VPS54: variants seen among roughly 807,000 people sequenced by gnomAD.
VPS54 encodes the protein VPS54 subunit of GARP complex, also known as vacuolar protein sorting-associated protein 54.
A neutral mutation model predicts 121.5 loss-of-function variants in VPS54; 45 were observed. The observed-to-expected ratio is 0.37, with a 90% CI of 0.29 to 0.47. The LOEUF (loss-of-function observed/expected upper bound fraction) is 0.47. Ranked by LOEUF, VPS54 falls within the 20% of genes least tolerant of loss-of-function variation. The pLI, the probability that VPS54 is intolerant of heterozygous loss-of-function variation, is 0.99. For missense variants in VPS54, 1,090 were observed against 1,131.4 expected, an observed-to-expected ratio of 0.96 and a Z score of 0.52; for synonymous variants, 371 against 385.8, an observed-to-expected ratio of 0.96 and a Z score of 0.45.
intron 6 of VPS54, among the ~76,000 whole-genome samples, chr2:63,963,042 T>C (rs1675839177): frequency 6.6e-6 from 1 of 152,122 alleles, no homozygotes; most frequent in African/African-American, 2.4e-5. Flanking sequence ...CTGAAGCTGT[T>C]TCTATTATAC....
chr2:63,900,752 G>T (rs967542851), intron 20 of VPS54, among the ~76,000 whole-genome samples: 7 of 151,486 alleles, frequency 4.6e-5, no homozygotes, highest in Admixed American at 2.6e-4. Flanking sequence ...CTCAAATCTG[G>T]TTTTTTTTGT....
chr2:63,897,458 G>T (rs376667901), intron 22 of VPS54, 38 bp downstream of exon 22: 3 of 1,341,012 alleles, frequency 2.2e-6, no homozygotes, highest in Admixed American at 2.0e-5. Flanking sequence ...AAAACAATTC[G>T]ATATGGGAGT....
chr2:63,949,060 C>A lies in VPS54; in HGVS notation c.1114G>T (p.Asp372Tyr), dbSNP rs1675119989. ...ACCTCTTCTAAAACTTGACAGTCAT[C>A]TTCCAGTGGTCTATTTAAGTCACTG... ...SHSDLNRPLEDDCQVLEEERL... is the reference protein window; with the variant it reads ...SHSDLNRPLEYDCQVLEEERL... Residue 372 changes from aspartate (D) to tyrosine (Y), a missense_variant, in exon 8 of 23, where the codon GAT becomes TAT. Around this residue, in one of 2 missense-constraint regions of VPS54, gnomAD observed 801 missense variants for 757.0 expected, o/e 1.06. Transcript: ENST00000272322. 6.2e-6 allele frequency: 10 copies of A among 1,611,110 alleles called. No homozygotes were observed. Among genetic ancestry groups the A allele is most frequent in the Non-Finnish European group, 7.6e-6 (9 of 1,179,066 alleles).
chr2:63,910,590 TA>T (rs1288049667), intron 20 of VPS54, among the ~76,000 whole-genome samples: 2 of 152,216 alleles, frequency 1.3e-5, no homozygotes, highest in Non-Finnish European at 2.9e-5. Flanking sequence ...TCTTAGTTTT[TA>T]AAAATGCATA....
Position 63,929,242 on chromosome 2 carries a change from T to C in VPS54, c.1739+4431A>G, listed in dbSNP as rs574713722. ...TCTCAGCACCACATCACACTTATTC[T>C]AAAATTGACCACATAACTCGAACTA... On this transcript the variant is annotated intron_variant, in intron 12 of 22. Transcript: ENST00000272322. Among the ~76,000 whole-genome samples the C allele has an allele frequency of 7.9e-5, 12 of 152,232 alleles. No individual in the cohort carries two copies. The South Asian group carries it at 2.3e-3, about 29-fold the overall frequency.
At chr2:63,901,415 G>A (rs1469764686) in intron 20 of VPS54, among the ~76,000 whole-genome samples, 1 of 152,156 alleles carries the variant, frequency 6.6e-6, no homozygotes, top group Non-Finnish European at 1.5e-5. Context: ...ACGTGGGCTA[G>A]GATATATTTA....
At chr2:63,982,377 A>C (rs1221440251) in intron 2 of VPS54, among the ~76,000 whole-genome samples, 1 of 152,178 alleles carries the variant, frequency 6.6e-6, no homozygotes, top group Non-Finnish European at 1.5e-5. Flanking sequence ...CCATACAAGA[A>C]GGAAAATTTT....
chr2:63,899,641 C>T (rs78227932), intron 20 of VPS54, 60 bp from the exon 21 acceptor site: 3 of 1,359,376 alleles, frequency 2.2e-6, no homozygotes, highest in Non-Finnish European at 3.1e-6. Context: ...AATGTCTCCA[C>T]CATTCCCTGA....
intron 3 of VPS54, among the ~76,000 whole-genome samples, chr2:63,972,452 C>T (rs190157342): frequency 1.3e-5 from 2 of 152,334 alleles, no homozygotes; most frequent in African/African-American, 2.4e-5. Flanking sequence ...TATATACCTA[C>T]ATCCATTCCA....
At position 63,942,461 on chromosome 2, in the gene VPS54, T is replaced by C; in HGVS notation, c.1398+4A>G. The C allele has an allele frequency of 6.4e-7, 1 of 1,570,570 alleles. No individual in the cohort carries two copies. The highest frequency in any genetic ancestry group is 1.2e-5 in the South Asian group (1 of 84,042). On this transcript the variant is annotated splice_donor_region_variant and intron_variant, in intron 11 of 22. Coordinates refer to ENST00000272322, the MANE Select transcript of VPS54 (RefSeq NM_016516.3). ...ATTCTAGACAAACTAATTTATAAGC[T>C]TACCTTCACTCTCTGTAGGAAAATT...
intron 13 of VPS54, 104 bp downstream of exon 13, chr2:63,921,102 A>G (rs955626803): frequency 3.2e-6 from 4 of 1,235,452 alleles, no homozygotes; most frequent in Non-Finnish European, 4.3e-6. Flanking sequence ...ATTAAATGTT[A>G]AAAATATAAT....
At chr2:63,928,858 G>T (rs939624151) in intron 12 of VPS54, among the ~76,000 whole-genome samples, 1 of 150,482 alleles carries the variant, frequency 6.6e-6, no homozygotes, top group African/African-American at 2.5e-5. Context: ...AAAAAAGCAG[G>T]GGTTGCAATC....
intron 1 of VPS54, among the ~76,000 whole-genome samples, chr2:63,996,032 T>A (rs990472466): frequency 6.6e-6 from 1 of 152,204 alleles, no homozygotes; most frequent in African/African-American, 2.4e-5. Flanking sequence ...TTTAATCGGC[T>A]TGTCTTTAGT....
intron 21 of VPS54, among the ~76,000 whole-genome samples, chr2:63,898,553 G>A (rs1289747763): frequency 6.6e-6 from 1 of 152,136 alleles, no homozygotes; most frequent in Non-Finnish European, 1.5e-5. Context: ...AAGGAGACCA[G>A]CAGGACCAAC....
chr2:64,009,053 G>A (rs980040985), intron 1 of VPS54, among the ~76,000 whole-genome samples: 1 of 152,154 alleles, frequency 6.6e-6, no homozygotes, highest in Non-Finnish European at 1.5e-5. Flanking sequence ...CAGATTTTCT[G>A]ATTCTAAGTT....
chr2:64,011,564 CA>C (rs1285220402), intron 1 of VPS54, among the ~76,000 whole-genome samples: 1 of 150,240 alleles, frequency 6.7e-6, no homozygotes, highest in Non-Finnish European at 1.5e-5. Flanking sequence ...GACTCCATCT[CA>C]AAAGAAAAAA....
At chr2:63,967,957 G>A (rs1457399020) in intron 5 of VPS54, among the ~76,000 whole-genome samples, 1 of 152,074 alleles carries the variant, frequency 6.6e-6, no homozygotes, top group East Asian at 1.9e-4. Flanking sequence ...AACAGTGTAA[G>A]TAAAGCACAG....
intron 20 of VPS54, among the ~76,000 whole-genome samples, chr2:63,905,146 T>C (rs1280679961): frequency 6.6e-6 from 1 of 152,084 alleles, no homozygotes; most frequent in Non-Finnish European, 1.5e-5. Flanking sequence ...CTTGAGAAAT[T>C]AGAAAACAGC....
rs1362166132 is a variant in VPS54, at chr2:63,893,283, C to T, written c.*147G>A. Reference sequence around the variant, plus strand: ...TGTAGATCCCACTGAATCCAGTTTCCCAACACTTGATACTTTCCTTTTTCC... The same window carrying T: ...TGTAGATCCCACTGAATCCAGTTTCTCAACACTTGATACTTTCCTTTTTCC... On this transcript the variant is annotated 3_prime_UTR_variant, in exon 23 of 23. Transcript: ENST00000272322. 7.6e-6 allele frequency: 6 copies of T among 787,160 alleles called. No individual in the cohort carries two copies. The highest frequency in any genetic ancestry group is 5.3e-5 in the Admixed American group (3 of 56,112). The allele number at this position is 787,160 out of a possible 1,614,324, so 48.8% of individuals were successfully genotyped here.
Sources: gnomAD v4.1 joint callset for allele counts (sites outside exome capture counted in the v4.1 genomes callset) on GRCh38, gnomAD v4.1.1 for gene constraint, gnomAD v4.1.1 regional missense constraint, MANE v1.5 for transcripts, NCBI Gene and HGNC (gene_info 2026-07-23, HGNC 2026-07-21) for gene names.